Variants in EFCAB7 observed in about 807,000 individuals in gnomAD.
EFCAB7 encodes the protein EF-hand calcium binding domain 7.
EFCAB7 carries 66 observed loss-of-function variants against 77.1 expected under a neutral mutation model. The ratio of observed to expected loss-of-function variants is 0.86; its 90% CI spans 0.70 to 1.05. The LOEUF (loss-of-function observed/expected upper bound fraction) is 1.05, where lower values mean the gene tolerates loss of function less well. Among genes scored for constraint, EFCAB7 ranks in the 50% least tolerant of loss-of-function variants. The pLI is 0.00. For missense variants in EFCAB7, 638 were observed against 730.5 expected (o/e 0.87, Z 1.46); for synonymous variants, 225 against 243.3 (o/e 0.92, Z 0.70).
intron 6 of EFCAB7, among the ~76,000 whole-genome samples, chr1:63,536,062 G>T (rs1005533681): frequency 5.9e-5 from 9 of 152,158 alleles, no homozygotes; most frequent in African/African-American, 2.2e-4. Flanking sequence ...AGTTTTGTAT[G>T]TAAGTCAAGA....
At chr1:63,574,545 T>G (rs181344858), downstream of EFCAB7, among the ~76,000 whole-genome samples, 246 of 152,318 alleles carry the variant, frequency 1.6e-3, no homozygotes, top group Admixed American at 3.3e-3. Context: ...ATAAGCATTG[T>G]CCTGAGCAAT....
chr1:63,569,478 T>C (rs1249608344), intron 12 of EFCAB7: 1 of 152,100 alleles, frequency 6.6e-6, no homozygotes, highest in African/African-American at 2.4e-5. Flanking sequence ...ACCATAGAGG[T>C]TGGGGAAGGA....
chr1:63,541,209 T>C lies in EFCAB7; in HGVS notation c.805-4707T>C, dbSNP rs575238225. Among the ~76,000 whole-genome samples, 20 of 152,308 alleles carry C rather than the reference T, an allele frequency of 1.3e-4. No individual in the cohort carries two copies. The South Asian group carries it at 4.1e-3, about 32-fold the overall frequency. On this transcript the variant is annotated intron_variant, in intron 6 of 13. Transcript: ENST00000371088. Reference sequence around the variant, plus strand: ...AATACTTGAGGCATATACAAATATATGGAATACCATAATGAATGCTTTATG... The same window carrying C: ...AATACTTGAGGCATATACAAATATACGGAATACCATAATGAATGCTTTATG...
At chr1:63,569,292 C>A (rs1647205922) in intron 12 of EFCAB7, 1 of 152,028 alleles carries the variant, frequency 6.6e-6, no homozygotes, top group Non-Finnish European at 1.5e-5. Flanking sequence ...ATAGGAGCAA[C>A]CAGAAAGTGT....
chr1:63,553,905 A>G (rs541758672), intron 8 of EFCAB7, among the ~76,000 whole-genome samples: 1 of 152,222 alleles, frequency 6.6e-6, no homozygotes, highest in South Asian at 2.1e-4. Flanking sequence ...CAGTGATGCA[A>G]TTCCCTGTAA....
rs770077046 is a variant in EFCAB7, at chr1:63,561,775, C to T, written c.1415C>T (p.Ala472Val). 8.0e-5 allele frequency: 128 copies of T among 1,609,774 alleles called. No individual in the cohort carries two copies. Among genetic ancestry groups the T allele is most frequent in the Non-Finnish European group, 1.1e-4 (125 of 1,177,100 alleles). ...TTTATGGATTTGAATCTAATGGAAG[C>T]TAATGATCGAGAAGGAGATCCTTGT... ...QGFMDLNLME[A>V]NDREGDPCDL... The change falls in exon 11 of 14, where the codon GCT becomes GTT. Residue 472 changes from alanine to valine, a missense_variant. Ala to Val is a moderately conservative substitution (Grantham distance 64, BLOSUM62 0). Transcript: ENST00000371088.
chr1:63,539,792 G>T (rs1646806365), intron 6 of EFCAB7, among the ~76,000 whole-genome samples: 1 of 152,122 alleles, frequency 6.6e-6, no homozygotes, highest in Non-Finnish European at 1.5e-5. Context: ...TCCATCTGAT[G>T]CTATAATCAA....
intron 11 of EFCAB7, among the ~76,000 whole-genome samples, chr1:63,562,920 A>G (rs1452396954): frequency 2.0e-5 from 3 of 152,154 alleles, no homozygotes. Flanking sequence ...ACTTTGGTTT[A>G]ATTCCTAGTT....
At chr1:63,566,483 C>T (rs1051880926) in intron 11 of EFCAB7, among the ~76,000 whole-genome samples, 2 of 152,026 alleles carry the variant, frequency 1.3e-5, no homozygotes, top group Admixed American at 6.6e-5. Flanking sequence ...TGCACATGTA[C>T]CCCTGAACTT....
At chr1:63,545,305 A>G (rs561536289) in intron 6 of EFCAB7, among the ~76,000 whole-genome samples, 3 of 152,258 alleles carry the variant, frequency 2.0e-5, no homozygotes, top group African/African-American at 7.2e-5. Context: ...GATATAATTC[A>G]TCAGTTGCAC....
intron 2 of EFCAB7, among the ~76,000 whole-genome samples, chr1:63,530,308 T>A (rs1452341776): frequency 6.6e-6 from 1 of 152,214 alleles, no homozygotes; most frequent in East Asian, 1.9e-4. Context: ...TGAATTTCTA[T>A]AAAGATAGTT....
In EFCAB7 at chr1:63,533,531, G is replaced by T; in HGVS notation, c.564G>T (p.Leu188Phe). The change falls in exon 5 of 14, where the codon TTG (leucine) becomes TTT (phenylalanine). Residue 188 changes from leucine to phenylalanine, a missense_variant. Physicochemically the swap from Leu to Phe is conservative, Grantham distance 22 (BLOSUM62 0). Transcript: ENST00000371088. Reference protein sequence around the residue: ...TLEKLEVDSKLMRHQFGNHIE... With the variant: ...TLEKLEVDSKFMRHQFGNHIE... ...AAAAACTAGAGGTTGACAGTAAATT[G>T]ATGCGTCACCAGTTTGGAAACCACA... is the stretch of plus-strand genomic sequence containing the variant. 1 of 1,613,252 alleles carries T rather than the reference G, an allele frequency of 6.2e-7. No homozygotes were observed. The highest frequency in any genetic ancestry group is 8.5e-7 in the Non-Finnish European group (1 of 1,179,556).
At chr1:63,572,039 A>G (rs1647277297) in intron 13 of EFCAB7, among the ~76,000 whole-genome samples, 1 of 152,148 alleles carries the variant, frequency 6.6e-6, no homozygotes, top group Non-Finnish European at 1.5e-5. Flanking sequence ...AGAAAGGAAA[A>G]AGCTTCCTAT....
chr1:63,532,832 G>A, intron 4 of EFCAB7, 76 bp downstream of exon 4: 1 of 1,178,724 alleles, frequency 8.5e-7, no homozygotes, highest in Non-Finnish European at 1.2e-6. Context: ...GCTTTATTAA[G>A]GTATAATTGA....
In EFCAB7 at chr1:63,568,340, GA is replaced by G; in HGVS notation, c.1533del (p.Lys511AsnfsTer34). 1 of 1,601,924 alleles carries G rather than the reference GA, an allele frequency of 6.2e-7. No individual in the cohort carries two copies. On this transcript the variant is annotated frameshift_variant, in exon 12 of 14. Transcript: ENST00000371088. LOFTEE classifies it high-confidence loss of function. Reference sequence around the variant, plus strand: ...TCCATTTGTCATTGATATCTATGCAGAAAAATGCAAGCCAAAAATTAAAGCT... The same window carrying G: ...TCCATTTGTCATTGATATCTATGCAGAAAATGCAAGCCAAAAATTAAAGCT... ...ACPFVIDIYA[E>X]KCKPKIKAVH...
At chr1:63,554,615 C>T (rs1344822552) in intron 8 of EFCAB7, among the ~76,000 whole-genome samples, 1 of 152,220 alleles carries the variant, frequency 6.6e-6, no homozygotes, top group Non-Finnish European at 1.5e-5. Context: ...GCTGGGATTA[C>T]AGGCGTGAAC....
chr1:63,572,099 G>A (rs1647279288), intron 13 of EFCAB7, among the ~76,000 whole-genome samples: 1 of 152,120 alleles, frequency 6.6e-6, no homozygotes, highest in Admixed American at 6.6e-5. Context: ...AAACATTCCA[G>A]AACAGGATAA....
chr1:63,565,797 C>T (rs1288210410), intron 11 of EFCAB7, among the ~76,000 whole-genome samples: 3 of 152,100 alleles, frequency 2.0e-5, no homozygotes, highest in Non-Finnish European at 4.4e-5. Context: ...AAATGCAAAT[C>T]AAAACCACAT....
intron 11 of EFCAB7, among the ~76,000 whole-genome samples, chr1:63,567,628 A>G (rs895788516): frequency 2.6e-5 from 4 of 152,148 alleles, no homozygotes; most frequent in Non-Finnish European, 4.4e-5. Flanking sequence ...GAAAATACAT[A>G]AGGATAATCT....
Sources: allele counts gnomAD v4.1 joint callset (sites outside exome capture counted in the v4.1 genomes callset), GRCh38; gene constraint gnomAD v4.1.1; transcripts MANE v1.5; gene names NCBI Gene and HGNC (gene_info 2026-07-23, HGNC 2026-07-21).